The following MROH2A variants were observed in gnomAD, a reference collection of about 807,000 sequenced individuals.
MROH2A encodes maestro heat-like repeat-containing protein family member 2A.
A neutral mutation model predicts 200.4 loss-of-function variants in MROH2A; 174 were observed. The ratio of observed to expected loss-of-function variants is 0.87; its 90% confidence interval spans 0.77 to 0.98. The LOEUF is 0.98. Among genes scored for constraint, MROH2A ranks in the 50% least tolerant of loss-of-function variants. The pLI is 0.00. For synonymous variants in MROH2A, 829 were observed against 840.4 expected, an observed-to-expected ratio of 0.99 and a Z score of 0.23; for missense variants, 2,045 against 2,139.6, an observed-to-expected ratio of 0.96 and a Z score of 0.87.
intron 11 of MROH2A, among the ~76,000 whole-genome samples, chr2:233,797,353 T>G (rs1222398657): frequency 6.6e-6 from 1 of 152,210 alleles, no homozygotes. Context: ...TGGACAAAGG[T>G]GCTCATTAAA....
chr2:233,817,032 C>A (rs531676820), intron 27 of MROH2A, 147 bp downstream of exon 27: 31 of 561,356 alleles, frequency 5.5e-5, no homozygotes, highest in African/African-American at 5.3e-4. Context: ...GACCTAGTGC[C>A]CTGGGCTGGG....
chr2:233,791,793 AGGC>A (rs908504454), intron 5 of MROH2A, among the ~76,000 whole-genome samples: 4 of 152,202 alleles, frequency 2.6e-5, no homozygotes, highest in African/African-American at 9.6e-5. Context: ...AGGCTGGAGA[AGGC>A]GGGAGGTGGA....
At position 233,800,289 on chromosome 2, in the gene MROH2A, AC is replaced by A. The variant is rs749975622; in HGVS notation, c.1536del (p.Ser513LeufsTer6). 1.7e-5 allele frequency: 27 copies of A among 1,549,090 alleles called. No homozygotes were observed. The South Asian group carries it at 3.2e-4, about 18-fold the overall frequency. On this transcript the variant is annotated frameshift_variant, in exon 14 of 42. Transcript: ENST00000389758. LOFTEE classifies it high-confidence loss of function. ...KVTMDTVKIITSSVSGMTTEF... is the reference protein window; with the variant it reads ...KVTMDTVKIIXSSVSGMTTEF... Reference sequence around the variant, plus strand: ...CACCATGGACACTGTGAAGATCATTACCTCTTCTGTCAGTGGGATGACCACC... The same window carrying A: ...CACCATGGACACTGTGAAGATCATTACTCTTCTGTCAGTGGGATGACCACC...
At chr2:233,812,903 T>G (rs1241728292) in intron 24 of MROH2A, among the ~76,000 whole-genome samples, 1 of 152,170 alleles carries the variant, frequency 6.6e-6, no homozygotes, top group African/African-American at 2.4e-5. Flanking sequence ...TAGGAGAGTG[T>G]AATACAAGAC....
chr2:233,786,009 C>A (rs1466134288), intron 3 of MROH2A, among the ~76,000 whole-genome samples: 2 of 152,100 alleles, frequency 1.3e-5, no homozygotes, highest in South Asian at 2.1e-4. Flanking sequence ...TGGGACGGAA[C>A]AATTGGGAGA....
At chr2:233,821,984 G>C (rs1703967416) in intron 31 of MROH2A, 140 bp from the exon 32 acceptor site, 2 of 1,005,582 alleles carry the variant, frequency 2.0e-6, no homozygotes, top group South Asian at 3.6e-5. Context: ...GCAAATTTTG[G>C]CGGCTCCCTC....
rs150695023 is a variant in MROH2A at position 233,803,463 on chromosome 2, C to A, written c.1724C>A (p.Pro575His). 2.6e-4 allele frequency: 399 copies of A among 1,550,512 alleles called. 4 individuals carry two copies. In the East Asian group the frequency reaches 9.1e-3, roughly 35 times the overall value. Residue 575 changes from proline (P) to histidine (H), a missense_variant, in exon 16 of 42, where the codon CCT becomes CAT. Physicochemically the swap from Pro to His is moderately conservative, Grantham distance 77. Coordinates refer to ENST00000389758, the MANE Select transcript of MROH2A (RefSeq NM_001394639.1). ...CTTCAATCAGTGGACCTGCCTGCAC[C>A]TCAGAAGCTGCTGGCCCGTCTCCTG... Reference protein sequence around the residue: ...GKSRQVDLPAPQKLLARLLVL... With the variant: ...GKSRQVDLPAHQKLLARLLVL...
intron 25 of MROH2A, 36 bp from the exon 26 acceptor site, chr2:233,814,546 C>T (rs1363648634): frequency 6.0e-6 from 9 of 1,503,430 alleles, no homozygotes; most frequent in Admixed American, 2.0e-5. Flanking sequence ...GGGTGCCCCT[C>T]ATTGCCGCCT....
chr2:233,827,157 G>A (rs574618889), intron 35 of MROH2A, among the ~76,000 whole-genome samples: 25 of 152,286 alleles, frequency 1.6e-4, no homozygotes, highest in African/African-American at 5.5e-4. Flanking sequence ...TGTGGAAGAC[G>A]GTGTGGTGAT....
At position 233,779,652 on chromosome 2, in the gene MROH2A, G is replaced by A. The variant is rs1342196911; in HGVS notation, c.95-19G>A. On this transcript the variant is annotated intron_variant, in intron 2 of 41. Coordinates refer to ENST00000389758, the MANE Select transcript of MROH2A (RefSeq NM_001394639.1). ...ATGGTCATTTCCACACTGCACCTGGGTGGCGTTTGTTTTCATAGGTACCTT... is the reference window on the plus strand; with the variant it reads ...ATGGTCATTTCCACACTGCACCTGGATGGCGTTTGTTTTCATAGGTACCTT... 1 of 1,549,742 alleles carries A rather than the reference G, an allele frequency of 6.5e-7. No individual in the cohort carries two copies. The highest frequency in any genetic ancestry group is 1.4e-5 in the African/African-American group (1 of 72,888).
intron 35 of MROH2A, among the ~76,000 whole-genome samples, chr2:233,824,175 G>A (rs1470454221): frequency 2.0e-5 from 3 of 152,236 alleles, no homozygotes. Context: ...CAACTAAGCT[G>A]TAGCAGGAAA....
chr2:233,782,572 G>T (rs1407829745), intron 3 of MROH2A, among the ~76,000 whole-genome samples: 1 of 152,144 alleles, frequency 6.6e-6, no homozygotes, highest in Non-Finnish European at 1.5e-5. Context: ...TTTGTAATCT[G>T]CAACTTAACT....
rs1266031659 is a variant in MROH2A, at chr2:233,832,755, C to CG, written c.4903+118dup. The CG allele has an allele frequency of 1.1e-4, 39 of 357,490 alleles. 1 individual carries two copies. Among genetic ancestry groups the CG allele is most frequent in the South Asian group, 1.4e-4 (6 of 42,446 alleles). The allele number at this position is 357,490 out of a possible 1,614,324, so 22.1% of individuals were successfully genotyped here. A position where few individuals can be genotyped will look rare whatever the true frequency, so the allele number is the denominator to read the frequency against. On this transcript the variant is annotated intron_variant, in intron 41 of 41. Coordinates refer to ENST00000389758, the MANE Select transcript of MROH2A (RefSeq NM_001394639.1). ...CAGAGGACCCTTTGCTGTGGGGTTT[C>CG]GGGGGGGTGGGAGTGCAACCAGGGC...
intron 5 of MROH2A, among the ~76,000 whole-genome samples, chr2:233,792,340 T>C (rs1247003321): frequency 6.9e-6 from 1 of 144,352 alleles, no homozygotes; most frequent in Admixed American, 7.0e-5. Context: ...TGAGATGGAG[T>C]CATGCTCTGT....
At position 233,787,719 on chromosome 2, in the gene MROH2A, T is replaced by G. The variant is rs1254636420; in HGVS notation, c.277-1778T>G. 1.6e-4 allele frequency among the ~76,000 whole-genome samples: 8 copies of G among 51,176 alleles called. 1 individual carries two copies. Among genetic ancestry groups the G allele is most frequent in the Non-Finnish European group, 2.6e-4 (8 of 30,214 alleles). The allele number at this position is 51,176 out of a possible 152,430, so 33.6% of individuals were successfully genotyped here. A position where few individuals can be genotyped will look rare whatever the true frequency, so the allele number is the denominator to read the frequency against. ...ATATATCATATAAACATATATATTATATATATCATATATACATATATATTA... is the reference window on the plus strand; with the variant it reads ...ATATATCATATAAACATATATATTAGATATATCATATATACATATATATTA... On this transcript the variant is annotated intron_variant, in intron 3 of 41. Transcript: ENST00000389758.
At chr2:233,831,569 G>T in intron 39 of MROH2A, 29 bp downstream of exon 39, 1 of 1,542,994 alleles carries the variant, frequency 6.5e-7, no homozygotes, top group Non-Finnish European at 8.7e-7. Flanking sequence ...GAACCAGCCC[G>T]TCCCAGGTGG....
chr2:233,792,779 C>G lies in MROH2A; in HGVS notation c.572-17C>G. The G allele has an allele frequency of 6.8e-7, 1 of 1,478,642 alleles. No homozygotes were observed. The highest frequency in any genetic ancestry group is 1.4e-5 in the African/African-American group (1 of 71,410). The allele number at this position is 1,478,642 out of a possible 1,614,324, so 91.6% of individuals were successfully genotyped here. On this transcript the variant is annotated splice_polypyrimidine_tract_variant and intron_variant, in intron 5 of 41. Transcript: ENST00000389758. ...CCCAGCCCCAACTTCCTGTAATCAT[C>G]CCTCACAACCTCACAGTGTTTGAGT... is the stretch of plus-strand genomic sequence containing the variant.
chr2:233,813,648 C>T, intron 24 of MROH2A, 22 bp from the exon 25 acceptor site: 2 of 1,468,660 alleles, frequency 1.4e-6, no homozygotes, highest in Non-Finnish European at 9.3e-7. Flanking sequence ...CTGTTCCTCT[C>T]TTGTCACTGC....
chr2:233,823,696 G>A (rs1418295839), intron 35 of MROH2A, 32 bp downstream of exon 35: 23 of 1,544,000 alleles, frequency 1.5e-5, no homozygotes, highest in East Asian at 7.4e-5. Flanking sequence ...TGGGCGGGGT[G>A]CAAGCGGAGG....
Sources: allele counts gnomAD v4.1 joint callset (sites outside exome capture counted in the v4.1 genomes callset), GRCh38; gene constraint gnomAD v4.1.1; transcripts MANE v1.5; gene names NCBI Gene and HGNC (gene_info 2026-07-23, HGNC 2026-07-21).